Variants in MACROD2 observed in about 807,000 individuals in gnomAD.
MACROD2 encodes the protein ADP-ribose glycohydrolase MACROD2.
Under a neutral mutation model 70.4 loss-of-function variants are expected in MACROD2, and 36 were observed. That is an observed-to-expected ratio of 0.51 (90% CI 0.39 to 0.68). The LOEUF is 0.68. MACROD2 is among the 30% of genes least tolerant of loss of function. The pLI, the probability that MACROD2 is intolerant of heterozygous loss-of-function variation, is 0.00. For synonymous variants in MACROD2, 172 were observed against 178.8 expected, an observed-to-expected ratio of 0.96 and a Z score of 0.30; for missense variants, 496 against 538.4, an observed-to-expected ratio of 0.92 and a Z score of 0.78.
intron 4 of MACROD2, among the ~76,000 whole-genome samples, chr20:14,680,490 C>G (rs2070918899): frequency 6.6e-6 from 1 of 152,040 alleles, no homozygotes; most frequent in Non-Finnish European, 1.5e-5. Flanking sequence ...GAAATAGACC[C>G]ACCTTAACGA....
At chr20:14,644,711 T>C (rs1464756238) in intron 4 of MACROD2, among the ~76,000 whole-genome samples, 1 of 152,192 alleles carries the variant, frequency 6.6e-6, no homozygotes, top group African/African-American at 2.4e-5. Flanking sequence ...GTAGTGTACA[T>C]ATGCAAACTA....
intron 8 of MACROD2, among the ~76,000 whole-genome samples, chr20:15,711,279 A>G (rs537789639): frequency 3.3e-5 from 5 of 152,262 alleles, no homozygotes; most frequent in African/African-American, 1.2e-4. Flanking sequence ...AGTTACAGGG[A>G]GGGGAGGGAA....
At position 15,007,246 on chromosome 20, in the gene MACROD2, C is replaced by T. The variant is rs565827386; in HGVS notation, c.419-222694C>T. Among the ~76,000 whole-genome samples the T allele has an allele frequency of 4.4e-3, 664 of 152,186 alleles. 1 individual carries two copies. Among genetic ancestry groups the T allele is most frequent in the Non-Finnish European group, 7.0e-3 (476 of 68,002 alleles). ...GAGCATGGTGGCGGGTGCCTGTAGT[C>T]CCAGCTACTGGGGAGGCTGAGGCAG... On this transcript the variant is annotated intron_variant, in intron 5 of 17. Coordinates refer to ENST00000684519, the MANE Select transcript of MACROD2 (RefSeq NM_001351661.2).
chr20:15,288,827 T>C (rs1447316371), intron 6 of MACROD2, among the ~76,000 whole-genome samples: 1 of 151,830 alleles, frequency 6.6e-6, no homozygotes, highest in Non-Finnish European at 1.5e-5. Context: ...CAATTCCTCT[T>C]ATAAATCTCC....
At chr20:14,010,401 A>G (rs2052885223) in intron 2 of MACROD2, among the ~76,000 whole-genome samples, 1 of 152,096 alleles carries the variant, frequency 6.6e-6, no homozygotes, top group Non-Finnish European at 1.5e-5. Context: ...CAGAAAAGGT[A>G]GAGGGAAGGT....
rs1359744821 is a variant in MACROD2, at chr20:15,614,936, A to G, written c.645+115089A>G. ...AATTCTGCATACTTCTGTTTTTAGC[A>G]CATTCCCTGTTCCTCTGAGGTAACT... On this transcript the variant is annotated intron_variant, in intron 8 of 17. Coordinates refer to ENST00000684519, the MANE Select transcript of MACROD2 (RefSeq NM_001351661.2). 2.6e-5 allele frequency among the ~76,000 whole-genome samples: 4 copies of G among 152,176 alleles called. No homozygotes were observed. In the East Asian group the frequency reaches 7.7e-4, roughly 29 times the overall value.
At chr20:15,241,617 T>C (rs1423266652) in intron 6 of MACROD2, among the ~76,000 whole-genome samples, 1 of 152,050 alleles carries the variant, frequency 6.6e-6, no homozygotes, top group African/African-American at 2.4e-5. Context: ...TTGGGCAGTA[T>C]GGTGAATCAA....
chr20:14,208,459 G>A (rs1200585682), intron 3 of MACROD2, among the ~76,000 whole-genome samples: 4 of 152,184 alleles, frequency 2.6e-5, no homozygotes, highest in South Asian at 4.2e-4. Context: ...TCAGTTGGCC[G>A]TTAGCACCAT....
chr20:14,082,273 G>C (rs1290566865), intron 2 of MACROD2, among the ~76,000 whole-genome samples: 1 of 133,042 alleles, frequency 7.5e-6, no homozygotes. Context: ...CCACCTCCCA[G>C]GTTCCAGTGA....
chr20:15,287,988 T>G (rs1187375439), intron 6 of MACROD2, among the ~76,000 whole-genome samples: 1 of 152,208 alleles, frequency 6.6e-6, no homozygotes, highest in Non-Finnish European at 1.5e-5. Flanking sequence ...TCCAGCCTGT[T>G]GTTAATATAG....
At chr20:15,822,008 A>G (rs917306164) in intron 8 of MACROD2, among the ~76,000 whole-genome samples, 1 of 152,218 alleles carries the variant, frequency 6.6e-6, no homozygotes, top group African/African-American at 2.4e-5. Flanking sequence ...TGGAAAGTAC[A>G]TGAACTACAT....
intron 13 of MACROD2, among the ~76,000 whole-genome samples, chr20:15,978,523 C>T (rs1294844149): frequency 2.0e-5 from 3 of 152,044 alleles, no homozygotes; most frequent in Non-Finnish European, 4.4e-5. Context: ...TCAGGGCTGC[C>T]TCCGCTGACT....
chr20:15,048,211 CGTT>C (rs2075410815), intron 5 of MACROD2, among the ~76,000 whole-genome samples: 1 of 152,004 alleles, frequency 6.6e-6, no homozygotes, highest in African/African-American at 2.4e-5. Context: ...AGGAGGCAGA[CGTT>C]GTAGTGAGCC....
intron 8 of MACROD2, among the ~76,000 whole-genome samples, chr20:15,703,664 T>C (rs145670484): frequency 6.6e-6 from 1 of 152,326 alleles, no homozygotes; most frequent in African/African-American, 2.4e-5. Context: ...AGTGGCTTAT[T>C]TTGGTAGTTC....
intron 5 of MACROD2, among the ~76,000 whole-genome samples, chr20:14,705,892 C>CCT (rs1225202672): frequency 6.6e-6 from 1 of 151,826 alleles, no homozygotes; most frequent in East Asian, 1.9e-4. Context: ...TCCTTCTCTT[C>CCT]CTCTCTCTCT....
intron 3 of MACROD2, among the ~76,000 whole-genome samples, chr20:14,384,943 T>G (rs544757670): frequency 6.6e-6 from 1 of 152,208 alleles, no homozygotes; most frequent in East Asian, 1.9e-4. Flanking sequence ...AAATCAGGAA[T>G]GCAGGTAAGA....
At chr20:15,289,887 C>G (rs1600203637) in intron 6 of MACROD2, among the ~76,000 whole-genome samples, 1 of 152,092 alleles carries the variant, frequency 6.6e-6, no homozygotes, top group South Asian at 2.1e-4. Flanking sequence ...GAAAAGGAGA[C>G]AAATGTGAAA....
chr20:15,986,995 A>G (rs2066493827), intron 14 of MACROD2, 71 bp from the exon 15 acceptor site: 1 of 1,345,278 alleles, frequency 7.4e-7, no homozygotes, highest in African/African-American at 1.5e-5. Context: ...TTTCTATACC[A>G]TAGTCACAGT....
rs113386159 is a variant in MACROD2 at position 14,932,283 on chromosome 20, G to A, written c.418+247324G>A. ...AGTCATTGTTCCAGTGAATGGAAAT[G>A]AGCTGAAGGAACAGCCGTGACACTC... On this transcript the variant is annotated intron_variant, in intron 5 of 17. Coordinates refer to ENST00000684519, the MANE Select transcript of MACROD2 (RefSeq NM_001351661.2). Among the ~76,000 whole-genome samples the A allele has an allele frequency of 4.1e-3, 620 of 152,228 alleles. 1 individual carries two copies. Among genetic ancestry groups the A allele is most frequent in the African/African-American group, 0.014 (586 of 41,544 alleles).
Sources: gnomAD v4.1 joint callset for allele counts (sites outside exome capture counted in the v4.1 genomes callset) on GRCh38, gnomAD v4.1.1 for gene constraint, MANE v1.5 for transcripts, NCBI Gene and HGNC (gene_info 2026-07-23, HGNC 2026-07-21) for gene names.